Variants in RPTOR observed in about 807,000 individuals in gnomAD.
RPTOR encodes the protein regulatory associated protein of MTOR complex 1, also known as regulatory-associated protein of mTOR.
Under a neutral mutation model 169.9 loss-of-function variants are expected in RPTOR, and 21 were observed. The ratio of observed to expected loss-of-function variants is 0.12; its 90% CI spans 0.09 to 0.18. The LOEUF is 0.18. RPTOR is among the 10% of genes least tolerant of loss of function. RPTOR has a pLI of 1.00. For missense variants in RPTOR, 1,133 were observed against 1,855.9 expected, an observed-to-expected ratio of 0.61 and a Z score of 7.16; for synonymous variants, 732 against 753.2, an observed-to-expected ratio of 0.97 and a Z score of 0.46.
chr17:80,915,106 C>T (rs1050823578), intron 21 of RPTOR, among the ~76,000 whole-genome samples: 4 of 152,226 alleles, frequency 2.6e-5, no homozygotes, highest in Middle Eastern at 6.8e-3. Context: ...GCTGAGCAGA[C>T]GTTGGGAAAA....
At chr17:80,725,288 GT>G (rs1157652313) in intron 4 of RPTOR, among the ~76,000 whole-genome samples, 1 of 152,176 alleles carries the variant, frequency 6.6e-6, no homozygotes, top group Non-Finnish European at 1.5e-5. Flanking sequence ...TTCCCCTGAT[GT>G]TTAATATAAC....
At chr17:80,818,645 A>ATGGT (rs2067347975) in intron 7 of RPTOR, among the ~76,000 whole-genome samples, 1 of 152,088 alleles carries the variant, frequency 6.6e-6, no homozygotes, top group Non-Finnish European at 1.5e-5. Flanking sequence ...TGCTCACTGG[A>ATGGT]TGGTTGGTTC....
intron 25 of RPTOR, chr17:80,942,078 C>T (rs925115092): frequency 2.6e-5 from 4 of 152,128 alleles, no homozygotes; most frequent in African/African-American, 4.8e-5. Context: ...CCCCGGCGGC[C>T]GCCGCTGAAC....
At chr17:80,692,069 T>G (rs2065997030) in intron 3 of RPTOR, among the ~76,000 whole-genome samples, 1 of 152,188 alleles carries the variant, frequency 6.6e-6, no homozygotes, top group Non-Finnish European at 1.5e-5. Flanking sequence ...CACTCGCCCT[T>G]CCTTCTCAGG....
In RPTOR at chr17:80,947,119, G is replaced by C. The variant is rs556354359; in HGVS notation, c.3141-108G>C. On this transcript the variant is annotated intron_variant, in intron 26 of 33. Coordinates refer to ENST00000306801, the MANE Select transcript of RPTOR (RefSeq NM_020761.3). This position sits in a 1 kb window ranked among gnomAD's most constrained non-coding sequence, Gnocchi z 4.4. Reference sequence around the variant, plus strand: ...GGTGTGAGCCGCCGTGCCCGGCTGTGGTGTGTGGTTTTTTGATAGCAGCCC... The same window carrying C: ...GGTGTGAGCCGCCGTGCCCGGCTGTCGTGTGTGGTTTTTTGATAGCAGCCC... 8.9e-7 allele frequency: 1 copy of C among 1,119,388 alleles called. No individual in the cohort carries two copies. The highest frequency in any genetic ancestry group is 1.6e-5 in the African/African-American group (1 of 61,800). 69.3% of individuals were successfully genotyped at this position (1,119,388 alleles called of 1,614,324 possible).
chr17:80,561,821 T>C (rs562989150), intron 1 of RPTOR, among the ~76,000 whole-genome samples: 17 of 152,106 alleles, frequency 1.1e-4, no homozygotes, highest in Non-Finnish European at 2.4e-4. Context: ...TGTGTTTGTG[T>C]GTGACTGTGT....
chr17:80,720,023 C>T (rs115034432), intron 4 of RPTOR, among the ~76,000 whole-genome samples: 6 of 152,080 alleles, frequency 3.9e-5, no homozygotes, highest in East Asian at 1.9e-4. Flanking sequence ...GATCATGGGC[C>T]GGGCACGGTG....
intron 13 of RPTOR, among the ~76,000 whole-genome samples, chr17:80,868,394 C>G (rs185301745): frequency 7.9e-4 from 120 of 152,150 alleles, no homozygotes; most frequent in African/African-American, 2.7e-3. Context: ...CACTGCACAC[C>G]AAGTAGATGC....
intron 10 of RPTOR, among the ~76,000 whole-genome samples, chr17:80,839,963 C>G (rs138782657): frequency 3.3e-5 from 5 of 152,288 alleles, no homozygotes; most frequent in Non-Finnish European, 7.3e-5. Context: ...GTTGGGGTGT[C>G]AGGACAAGCC....
At chr17:80,904,105 G>A (rs1044999918) in intron 20 of RPTOR, among the ~76,000 whole-genome samples, 2 of 152,346 alleles carry the variant, frequency 1.3e-5, no homozygotes, top group African/African-American at 4.8e-5. Context: ...CGTCTTCCCT[G>A]TGGGCAGCTG....
intron 1 of RPTOR, among the ~76,000 whole-genome samples, chr17:80,619,401 T>A (rs1015926997): frequency 3.3e-5 from 5 of 152,204 alleles, no homozygotes; most frequent in Non-Finnish European, 7.3e-5. Flanking sequence ...TGTATCTTTT[T>A]AAATATATAT....
At chr17:80,690,395 T>C (rs1415692282) in intron 3 of RPTOR, among the ~76,000 whole-genome samples, 2 of 152,334 alleles carry the variant, frequency 1.3e-5, no homozygotes, top group East Asian at 1.9e-4. Context: ...ATGAATGTAT[T>C]GTGAGTTACT....
Position 80,922,908 on chromosome 17 carries a change from C to G in RPTOR, c.2624+81C>G, listed in dbSNP as rs1188091257. 1.1e-5 allele frequency: 13 copies of G among 1,144,964 alleles called. No homozygotes were observed. In the East Asian group the frequency reaches 3.4e-4, roughly 30 times the overall value. 70.9% of individuals were successfully genotyped at this position (1,144,964 alleles called of 1,614,324 possible). Reference sequence around the variant, plus strand: ...CTGAGCTGTCCCTGAGCCGGCCTCCCCATCCTCCTCCTTCCCCGCCCTGTC... The same window carrying G: ...CTGAGCTGTCCCTGAGCCGGCCTCCGCATCCTCCTCCTTCCCCGCCCTGTC... On this transcript the variant is annotated intron_variant, in intron 22 of 33. Coordinates refer to ENST00000306801, the MANE Select transcript of RPTOR (RefSeq NM_020761.3).
At chr17:80,735,086 C>T (rs1245543251) in intron 5 of RPTOR, among the ~76,000 whole-genome samples, 4 of 152,150 alleles carry the variant, frequency 2.6e-5, no homozygotes, top group African/African-American at 9.7e-5. Context: ...CGCTTTAGAC[C>T]GAGTTGGCCA....
intron 2 of RPTOR, among the ~76,000 whole-genome samples, chr17:80,642,896 C>T (rs541348015): frequency 1.4e-3 from 210 of 152,290 alleles, no homozygotes; most frequent in South Asian, 2.3e-3. Context: ...CATCCTTGAT[C>T]AAACCACATA....
intron 6 of RPTOR, among the ~76,000 whole-genome samples, chr17:80,780,323 G>A (rs968830890): frequency 6.6e-6 from 1 of 152,196 alleles, no homozygotes; most frequent in African/African-American, 2.4e-5. Flanking sequence ...GGAGAGTTCA[G>A]TTGGTAGGAG....
In RPTOR at chr17:80,726,313, G is replaced by A. The variant is rs1363343933; in HGVS notation, c.508-4247G>A. On this transcript the variant is annotated intron_variant, in intron 4 of 33. Coordinates refer to ENST00000306801, the MANE Select transcript of RPTOR (RefSeq NM_020761.3). This position sits in a 1 kb window ranked among gnomAD's most constrained non-coding sequence, Gnocchi z 4.5. ...TGGACGCACGCTAGGAGGTGGAGAT[G>A]GTCCAGCCCCAGCAGGACTGGGCCA... is the stretch of plus-strand genomic sequence containing the variant. Among the ~76,000 whole-genome samples the A allele has an allele frequency of 1.3e-5, 2 of 152,176 alleles. No individual in the cohort carries two copies. Among genetic ancestry groups the A allele is most frequent in the African/African-American group, 4.8e-5 (2 of 41,438 alleles).
intron 4 of RPTOR, among the ~76,000 whole-genome samples, chr17:80,713,750 A>G (rs1293744489): frequency 6.6e-6 from 1 of 152,190 alleles, no homozygotes; most frequent in African/African-American, 2.4e-5. Flanking sequence ...AGGCCAGTTC[A>G]TGAGCCAGGC....
chr17:80,938,661 G>A (rs976612131), intron 24 of RPTOR, among the ~76,000 whole-genome samples: 2 of 152,136 alleles, frequency 1.3e-5, no homozygotes, highest in South Asian at 2.1e-4. Flanking sequence ...TACTGTTTCC[G>A]GGTTTGGATG....
Sources: allele counts gnomAD v4.1 joint callset (sites outside exome capture counted in the v4.1 genomes callset), GRCh38; gene constraint gnomAD v4.1.1; non-coding constraint Gnocchi (gnomAD v3.1); transcripts MANE v1.5; gene names NCBI Gene and HGNC (gene_info 2026-07-23, HGNC 2026-07-21).